Variants in FRMPD1 observed in about 807,000 individuals in gnomAD.
FRMPD1 encodes the protein FERM and PDZ domain-containing protein 1.
A neutral mutation model predicts 117.8 loss-of-function variants in FRMPD1; 76 were observed. The observed-to-expected ratio is 0.65, with a 90% confidence interval of 0.54 to 0.78. The LOEUF (loss-of-function observed/expected upper bound fraction) is 0.78. Among genes scored for constraint, FRMPD1 ranks in the 30% least tolerant of loss-of-function variants. The pLI, the probability that FRMPD1 is intolerant of heterozygous loss-of-function variation, is 0.00. For synonymous variants in FRMPD1, 783 were observed against 770.4 expected (o/e 1.02, Z -0.27); for missense variants, 1,786 against 1,964.5 (o/e 0.91, Z 1.72).
chr9:37,652,726 G>T (rs1184507979), intron 1 of FRMPD1, among the ~76,000 whole-genome samples: 14 of 152,112 alleles, frequency 9.2e-5, no homozygotes, highest in Non-Finnish European at 5.9e-5. Flanking sequence ...ATTCTCTATT[G>T]GTTCATCAAG....
intron 1 of FRMPD1, among the ~76,000 whole-genome samples, chr9:37,682,692 A>G (rs1327685431): frequency 6.6e-6 from 1 of 152,168 alleles, no homozygotes; most frequent in Non-Finnish European, 1.5e-5. Context: ...TGTGGCTCAG[A>G]CATCCATGCT....
At chr9:37,729,692 T>C (rs781465870) in intron 7 of FRMPD1, 36 bp from the exon 8 acceptor site, 3 of 1,609,194 alleles carry the variant, frequency 1.9e-6, no homozygotes, top group South Asian at 2.2e-5. Context: ...CCTTCCTGTT[T>C]CTTGCGTAAC....
At chr9:37,725,167 A>G (rs1268705918) in intron 7 of FRMPD1, among the ~76,000 whole-genome samples, 1 of 152,228 alleles carries the variant, frequency 6.6e-6, no homozygotes, top group East Asian at 1.9e-4. Context: ...GTGGCTGTGG[A>G]GGGCCTCAAA....
At chr9:37,638,046 C>CT in the FRMPD1 span, among the ~76,000 whole-genome samples, 1 of 135,954 alleles carries the variant, frequency 7.4e-6, no homozygotes, top group African/African-American at 2.8e-5. Flanking sequence ...TCCTTTCTTT[C>CT]TTTCCTTTCT....
chr9:37,648,942 G>A (rs543199801), upstream of FRMPD1, among the ~76,000 whole-genome samples: 26 of 152,172 alleles, frequency 1.7e-4, no homozygotes, highest in African/African-American at 6.3e-4. Context: ...GAGAGTGAAG[G>A]GAGAAAGGCC....
chr9:37,604,311 T>C, the FRMPD1 span, among the ~76,000 whole-genome samples: 25 of 152,380 alleles, frequency 1.6e-4, no homozygotes, highest in Admixed American at 1.6e-3. Flanking sequence ...TGAGTAAATA[T>C]ATTGTAACCA....
At chr9:37,682,785 T>G (rs988983112) in intron 1 of FRMPD1, among the ~76,000 whole-genome samples, 2 of 152,158 alleles carry the variant, frequency 1.3e-5, no homozygotes, top group Admixed American at 1.3e-4. Context: ...ACAGATTCCT[T>G]ACAGAGTTGG....
At chr9:37,684,338 A>G (rs1821846773) in intron 1 of FRMPD1, among the ~76,000 whole-genome samples, 1 of 152,252 alleles carries the variant, frequency 6.6e-6, no homozygotes, top group African/African-American at 2.4e-5. Flanking sequence ...AATGAGAATT[A>G]TTATAAGCAT....
intron 2 of FRMPD1, among the ~76,000 whole-genome samples, chr9:37,699,476 C>T (rs531889972): frequency 1.3e-5 from 2 of 151,796 alleles, no homozygotes; most frequent in South Asian, 2.1e-4. Context: ...TGCGCCACCA[C>T]GCCTAGCTAA....
At chr9:37,626,622 G>GGA in the FRMPD1 span, among the ~76,000 whole-genome samples, 15,347 of 48,756 alleles carry the variant, frequency 0.31, 2,601 homozygotes, top group East Asian at 0.67. Context: ...CCTGGTATCT[G>GGA]AAAAAAAAAA....
intron 6 of FRMPD1, 141 bp downstream of exon 6, chr9:37,719,317 C>G: frequency 1.6e-6 from 1 of 635,956 alleles, no homozygotes. Context: ...GTGCGCCCTC[C>G]CAGTCAGATG....
At chr9:37,685,366 G>T (rs544885138) in intron 1 of FRMPD1, among the ~76,000 whole-genome samples, 1 of 152,084 alleles carries the variant, frequency 6.6e-6, no homozygotes, top group South Asian at 2.1e-4. Flanking sequence ...CCTTTCGGCT[G>T]GGCGCAGTGG....
intron 1 of FRMPD1, among the ~76,000 whole-genome samples, chr9:37,685,248 A>G (rs1017074876): frequency 1.3e-5 from 2 of 152,172 alleles, no homozygotes; most frequent in Non-Finnish European, 2.9e-5. Flanking sequence ...TAATCTTTGC[A>G]GTTTAAAAAT....
intron 1 of FRMPD1, among the ~76,000 whole-genome samples, chr9:37,674,969 G>T (rs887124476): frequency 2.0e-5 from 3 of 152,152 alleles, no homozygotes; most frequent in African/African-American, 7.2e-5. Flanking sequence ...CCTAAAAAAT[G>T]ATCCTAAAAG....
chr9:37,726,588 C>T (rs1245903110), intron 7 of FRMPD1, among the ~76,000 whole-genome samples: 1 of 152,078 alleles, frequency 6.6e-6, no homozygotes, highest in African/African-American at 2.4e-5. Context: ...GTCCCAGCTA[C>T]TTGGGAGGCT....
upstream of FRMPD1, among the ~76,000 whole-genome samples, chr9:37,648,281 T>C (rs1820556518): frequency 6.6e-6 from 1 of 152,174 alleles, no homozygotes; most frequent in South Asian, 2.1e-4. Flanking sequence ...TTTTTAACAC[T>C]ATGTTATGTG....
chr9:37,744,978 T>C lies in FRMPD1; in HGVS notation c.2946T>C (p.Ala982=). 6.2e-7 allele frequency: 1 copy of C among 1,614,212 alleles called. No homozygotes were observed. The highest frequency in any genetic ancestry group is 8.5e-7 in the Non-Finnish European group (1 of 1,180,030). The change falls in exon 16 of 16, where the codon GCT becomes GCC. Residue 982 remains alanine (A), a synonymous_variant. Coordinates refer to ENST00000377765, the MANE Select transcript of FRMPD1 (RefSeq NM_014907.3). ...SNPGSSGPDT[A]QARPSQILPL... is the part of the protein sequence containing the mutation. ...CAGGTTCATCTGGCCCAGATACTGC[T>C]CAGGCAAGGCCTTCCCAAATCTTAC...
At chr9:37,664,166 G>A (rs944750984) in intron 1 of FRMPD1, among the ~76,000 whole-genome samples, 3 of 152,120 alleles carry the variant, frequency 2.0e-5, no homozygotes, top group Non-Finnish European at 4.4e-5. Flanking sequence ...AGAGAGGAGT[G>A]GAGGGCACCG....
At chr9:37,661,585 G>A (rs1821002437) in intron 1 of FRMPD1, among the ~76,000 whole-genome samples, 1 of 152,086 alleles carries the variant, frequency 6.6e-6, no homozygotes, top group South Asian at 2.1e-4. Context: ...GCCCCCCAGT[G>A]TCCTAATTCC....
Sources: gnomAD v4.1 joint callset for allele counts (sites outside exome capture counted in the v4.1 genomes callset) on GRCh38, gnomAD v4.1.1 for gene constraint, MANE v1.5 for transcripts, NCBI Gene and HGNC (gene_info 2026-07-23, HGNC 2026-07-21) for gene names.